The following C14orf132 variants were observed in gnomAD, a reference collection of about 807,000 sequenced individuals.
C14orf132 encodes the protein uncharacterized protein C14orf132.
Under a neutral mutation model 5.8 loss-of-function variants are expected in C14orf132, and 6 were observed. The ratio of observed to expected loss-of-function variants is 1.03; its 90% CI spans 0.57 to 2.04. The LOEUF (loss-of-function observed/expected upper bound fraction) is 2.04. C14orf132 is among the 30% of genes most tolerant of loss of function. The pLI, the probability that C14orf132 is intolerant of heterozygous loss-of-function variation, is 0.00. For missense variants in C14orf132, 125 were observed against 115.8 expected (o/e 1.08, Z -0.37); for synonymous variants, 51 against 49.8 (o/e 1.02, Z -0.10).
At chr14:96,069,612 A>T (rs57751248) in intron 1 of C14orf132, among the ~76,000 whole-genome samples, 4,571 of 152,130 alleles carry the variant, frequency 0.03, 219 homozygotes, top group African/African-American at 0.1. Flanking sequence ...GGCAGGCAGG[A>T]GGCTTTTGAA....
intron 1 of C14orf132, chr14:96,051,199 C>T (rs775701027): frequency 6.0e-5 from 24 of 398,500 alleles, no homozygotes; most frequent in African/African-American, 1.4e-4. Context: ...TCCAGTCTGC[C>T]GTTGCCACTT....
intron 1 of C14orf132, among the ~76,000 whole-genome samples, chr14:96,049,653 T>TATATATATATATAGAG (rs371381526): frequency 1.2e-5 from 1 of 82,282 alleles, no homozygotes; most frequent in African/African-American, 4.6e-5. Context: ...TATATATATA[T>TATATATATATATAGAG]AGAGAGAGAG....
intron 1 of C14orf132, among the ~76,000 whole-genome samples, chr14:96,066,307 A>T (rs1887526482): frequency 6.6e-6 from 1 of 152,134 alleles, no homozygotes; most frequent in South Asian, 2.1e-4. Context: ...TGCTTCTTCC[A>T]TTATTGCTAA....
At chr14:96,065,051 T>C (rs1343416630) in intron 1 of C14orf132, among the ~76,000 whole-genome samples, 1 of 151,960 alleles carries the variant, frequency 6.6e-6, no homozygotes, top group East Asian at 1.9e-4. Flanking sequence ...AGGTAGGGGG[T>C]TTTGACGTGA....
rs536743799 is a variant in C14orf132 at position 96,041,657 on chromosome 14, C to T, written c.27+2130C>T. ...CTGGAGCAAGTGCTCAGACCCTGCT[C>T]CTGGTGTGTCCTGTGGCCACCAGGT... On this transcript the variant is annotated intron_variant, in intron 1 of 1. Coordinates refer to ENST00000555004, the MANE Select transcript of C14orf132 (RefSeq NM_001252507.3). 8.3e-4 allele frequency among the ~76,000 whole-genome samples: 127 copies of T among 152,358 alleles called. 1 individual carries two copies. Among genetic ancestry groups the T allele is most frequent in the African/African-American group, 2.8e-3 (117 of 41,580 alleles).
intron 1 of C14orf132, among the ~76,000 whole-genome samples, chr14:96,074,948 C>A (rs1887821737): frequency 6.6e-6 from 1 of 152,012 alleles, no homozygotes; most frequent in South Asian, 2.1e-4. Context: ...TTGGCATTGA[C>A]AAACATTCCT....
rs1181313590 is a variant in C14orf132, at chr14:96,087,514, G to A, written c.*779G>A. On this transcript the variant is annotated 3_prime_UTR_variant, in exon 2 of 2. Coordinates refer to ENST00000555004, the MANE Select transcript of C14orf132 (RefSeq NM_001252507.3). ...TGAGGAATCGTGGAATTTTAAAGAT[G>A]AACAAGATTCACATCCACTGAATTA... is the stretch of plus-strand genomic sequence containing the variant. The A allele has an allele frequency of 6.6e-6, 1 of 152,106 alleles. No homozygotes were observed. The highest frequency in any genetic ancestry group is 1.9e-4 in the East Asian group (1 of 5,192). 9.4% of individuals were successfully genotyped at this position (152,106 alleles called of 1,614,324 possible). A position where few individuals can be genotyped will look rare whatever the true frequency, so the allele number is the denominator to read the frequency against.
rs897242453 is a variant in C14orf132 at position 96,089,275 on chromosome 14, T to C, written c.*2540T>C. 3 of 152,250 alleles carry C rather than the reference T, an allele frequency of 2.0e-5. No homozygotes were observed. Among genetic ancestry groups the C allele is most frequent in the African/African-American group, 7.2e-5 (3 of 41,414 alleles). 9.4% of individuals were successfully genotyped at this position (152,250 alleles called of 1,614,324 possible). A position where few individuals can be genotyped will look rare whatever the true frequency, so the allele number is the denominator to read the frequency against. On this transcript the variant is annotated 3_prime_UTR_variant, in exon 2 of 2. Transcript: ENST00000555004. ...AAGATGCCGGTCCTCACTGCTTAAG[T>C]TTTGTGTCCAGGTGCCACTAGACTT...
intron 1 of C14orf132, among the ~76,000 whole-genome samples, chr14:96,042,421 G>A (rs1886717720): frequency 6.6e-6 from 1 of 152,198 alleles, no homozygotes; most frequent in South Asian, 2.1e-4. Flanking sequence ...CCCCTGTAGA[G>A]GATAGAAGCT....
intron 1 of C14orf132, among the ~76,000 whole-genome samples, chr14:96,049,562 G>GTATATATACATATATATGTA (rs1566823699): frequency 0.03 from 2,843 of 94,458 alleles, 231 homozygotes; most frequent in Middle Eastern, 0.055. Flanking sequence ...ACATATATAC[G>GTATATATACATATATATGTA]TATATATACA....
In C14orf132 at chr14:96,039,485, T is replaced by C; in HGVS notation, c.-16T>C. 6.7e-7 allele frequency: 1 copy of C among 1,498,558 alleles called. No homozygotes were observed. The highest frequency in any genetic ancestry group is 1.4e-5 in the African/African-American group (1 of 69,838). 92.8% of individuals were successfully genotyped at this position (1,498,558 alleles called of 1,614,324 possible). A position where few individuals can be genotyped will look rare whatever the true frequency, so the allele number is the denominator to read the frequency against. On this transcript the variant is annotated 5_prime_UTR_variant, in exon 1 of 2. Coordinates refer to ENST00000555004, the MANE Select transcript of C14orf132 (RefSeq NM_001252507.3). The surrounding 1 kb of genome is among the most constrained non-coding windows in gnomAD (Gnocchi z 5.3). Reference sequence around the variant, plus strand: ...GCGGCAGCAGCGAGGACTCGAGCGCTGGCTGCAGCGACACCATGGATCTCT... The same window carrying C: ...GCGGCAGCAGCGAGGACTCGAGCGCCGGCTGCAGCGACACCATGGATCTCT...
rs1336720767 is a variant in C14orf132 at position 96,086,525 on chromosome 14, G to T, written c.42G>T (p.Gly14=). The T allele has an allele frequency of 6.5e-7, 1 of 1,536,082 alleles. No homozygotes were observed. Among genetic ancestry groups the T allele is most frequent in the South Asian group, 1.2e-5 (1 of 84,054 alleles). The change falls in exon 2 of 2, where the codon GGG becomes GGT. Residue 14 remains glycine (G), a synonymous_variant. Coordinates refer to ENST00000555004, the MANE Select transcript of C14orf132 (RefSeq NM_001252507.3). ...SFMAAQLPMM[G]GAFMDSPNED... ...CTTCTTTGCAGCTGCCCATGATGGG[G>T]GGAGCTTTCATGGACTCGCCCAACG... is the stretch of plus-strand genomic sequence containing the variant.
At position 96,086,469 on chromosome 14, in the gene C14orf132, G is replaced by T. The variant is rs777210137; in HGVS notation, c.28-42G>T. On this transcript the variant is annotated intron_variant, in intron 1 of 1. Coordinates refer to ENST00000555004, the MANE Select transcript of C14orf132 (RefSeq NM_001252507.3). ...CCTTTTGCAGGGTACATCTGCCCAA[G>T]CCCCCATGGCCCTGGATAATTCTCT... 3.9e-6 allele frequency: 6 copies of T among 1,521,342 alleles called. No individual in the cohort carries two copies. In the South Asian group the frequency reaches 7.2e-5, roughly 18 times the overall value. 94.2% of individuals were successfully genotyped at this position (1,521,342 alleles called of 1,614,324 possible).
chr14:96,086,217 G>C (rs1422393632), intron 1 of C14orf132, among the ~76,000 whole-genome samples: 2 of 152,172 alleles, frequency 1.3e-5, no homozygotes, highest in Non-Finnish European at 2.9e-5. Flanking sequence ...GGAGGGGAAT[G>C]GCTGGAGGGG....
intron 1 of C14orf132, among the ~76,000 whole-genome samples, chr14:96,058,196 G>T (rs370227570): frequency 1.3e-5 from 2 of 152,050 alleles, no homozygotes; most frequent in South Asian, 4.2e-4. Flanking sequence ...CCCGCACTTC[G>T]TGAGGCACAT....
chr14:96,052,331 C>T (rs1595171127), intron 1 of C14orf132, among the ~76,000 whole-genome samples: 1 of 152,316 alleles, frequency 6.6e-6, no homozygotes, highest in Middle Eastern at 3.4e-3. Flanking sequence ...GGGTGGGGAC[C>T]CCACAGGAGG....
intron 1 of C14orf132, among the ~76,000 whole-genome samples, chr14:96,043,959 C>G (rs1043770863): frequency 1.3e-5 from 2 of 152,200 alleles, no homozygotes; most frequent in Non-Finnish European, 2.9e-5. Flanking sequence ...TTATTCCCAT[C>G]ATCAAGAAAG....
intron 1 of C14orf132, among the ~76,000 whole-genome samples, chr14:96,079,859 T>C (rs1412108462): frequency 6.6e-6 from 1 of 152,206 alleles, no homozygotes; most frequent in East Asian, 1.9e-4. Context: ...GCTGCTAGTT[T>C]TTAGATTAGC....
At chr14:96,075,005 G>A (rs1160522203) in intron 1 of C14orf132, among the ~76,000 whole-genome samples, 1 of 152,084 alleles carries the variant, frequency 6.6e-6, no homozygotes, top group African/African-American at 2.4e-5. Context: ...ATCAATCTGG[G>A]GAGAATTCAC....
Sources: allele counts gnomAD v4.1 joint callset (sites outside exome capture counted in the v4.1 genomes callset), GRCh38; gene constraint gnomAD v4.1.1; non-coding constraint Gnocchi (gnomAD v3.1); transcripts MANE v1.5; gene names NCBI Gene and HGNC (gene_info 2026-07-23, HGNC 2026-07-21).